The following UBASH3B variants were observed in gnomAD, a reference collection of about 807,000 sequenced individuals.
The protein encoded by UBASH3B is ubiquitin-associated and SH3 domain-containing protein B.
UBASH3B carries 37 observed loss-of-function variants against 83.4 expected under a neutral mutation model. That is an observed-to-expected ratio of 0.44 (90% CI 0.34 to 0.58). The LOEUF is 0.58. UBASH3B is among the 20% of genes least tolerant of loss of function. UBASH3B has a pLI of 0.01. For synonymous variants in UBASH3B, 304 were observed against 318.3 expected, an observed-to-expected ratio of 0.96 and a Z score of 0.48; for missense variants, 657 against 827.2, an observed-to-expected ratio of 0.79 and a Z score of 2.52.
intron 1 of UBASH3B, among the ~76,000 whole-genome samples, chr11:122,659,494 C>A (rs188715343): frequency 6.6e-6 from 1 of 152,244 alleles, no homozygotes; most frequent in East Asian, 1.9e-4. Context: ...ATGTGGTCGG[C>A]CTTCCCCCCA....
intron 1 of UBASH3B, among the ~76,000 whole-genome samples, chr11:122,741,544 G>A (rs1591794279): frequency 1.3e-5 from 2 of 152,158 alleles, no homozygotes; most frequent in East Asian, 1.9e-4. Flanking sequence ...CCACTCCAGA[G>A]GAACTGCGTG....
At chr11:122,753,473 T>C (rs1205190962) in intron 1 of UBASH3B, among the ~76,000 whole-genome samples, 3 of 148,042 alleles carry the variant, frequency 2.0e-5, no homozygotes, top group Non-Finnish European at 3.0e-5. Context: ...GAAAAATCCC[T>C]GAGTTTCTTT....
At chr11:122,764,883 A>T (rs1860505951) in intron 1 of UBASH3B, among the ~76,000 whole-genome samples, 1 of 152,206 alleles carries the variant, frequency 6.6e-6, no homozygotes, top group Non-Finnish European at 1.5e-5. Flanking sequence ...GCCTAAGCCA[A>T]CAGAAGAGAA....
intron 8 of UBASH3B, 73 bp downstream of exon 8, chr11:122,796,349 T>C: frequency 3.8e-6 from 6 of 1,574,388 alleles, no homozygotes; most frequent in Non-Finnish European, 5.2e-6. Context: ...CAAGCTACAG[T>C]TATCTAGATG....
intron 1 of UBASH3B, among the ~76,000 whole-genome samples, chr11:122,751,608 G>A (rs1861200578): frequency 1.3e-5 from 2 of 152,224 alleles, no homozygotes; most frequent in South Asian, 4.1e-4. Flanking sequence ...CCTCACACAG[G>A]CAATGCTGCC....
chr11:122,793,129 C>A (rs1180855187), intron 6 of UBASH3B, among the ~76,000 whole-genome samples: 1 of 152,090 alleles, frequency 6.6e-6, no homozygotes, highest in African/African-American at 2.4e-5. Flanking sequence ...TCCTGTAATC[C>A]CAGCATGACT....
chr11:122,802,549 A>G (rs1861277180), intron 11 of UBASH3B, among the ~76,000 whole-genome samples: 2 of 152,122 alleles, frequency 1.3e-5, no homozygotes, highest in Non-Finnish European at 2.9e-5. Flanking sequence ...CCCAAACCAC[A>G]TTAAAGCAAT....
chr11:122,801,592 G>A (rs1302671495), intron 11 of UBASH3B, among the ~76,000 whole-genome samples: 3 of 152,206 alleles, frequency 2.0e-5, no homozygotes, highest in African/African-American at 7.2e-5. Flanking sequence ...CTGTTTCAGT[G>A]TAATAAAACC....
intron 1 of UBASH3B, among the ~76,000 whole-genome samples, chr11:122,767,306 T>TTTTTGTTTTGTTATG (rs1860561833): frequency 6.7e-6 from 1 of 149,930 alleles, no homozygotes; most frequent in Non-Finnish European, 1.5e-5. Context: ...TAAAGGTTTC[T>TTTTTGTTTTGTTATG]TTTTGTTTTG....
chr11:122,718,578 A>G (rs1334593631), intron 1 of UBASH3B, among the ~76,000 whole-genome samples: 1 of 152,242 alleles, frequency 6.6e-6, no homozygotes, highest in Non-Finnish European at 1.5e-5. Context: ...ATTAAGTATG[A>G]TGACATATGT....
At chr11:122,778,283 A>T (rs1325727393) in intron 3 of UBASH3B, among the ~76,000 whole-genome samples, 1 of 152,176 alleles carries the variant, frequency 6.6e-6, no homozygotes, top group African/African-American at 2.4e-5. Context: ...CTGAAAATTA[A>T]AGTGACTGTC....
intron 11 of UBASH3B, among the ~76,000 whole-genome samples, chr11:122,804,069 G>A (rs942548698): frequency 2.0e-5 from 3 of 152,196 alleles, no homozygotes; most frequent in Admixed American, 6.5e-5. Flanking sequence ...CATGTATCCC[G>A]CTCTTCACCT....
chr11:122,789,750 C>T (rs370109701), intron 6 of UBASH3B, among the ~76,000 whole-genome samples: 1 of 152,128 alleles, frequency 6.6e-6, no homozygotes, highest in Non-Finnish European at 1.5e-5. Context: ...CTAACTGTAT[C>T]CTTGATTTGC....
At chr11:122,667,346 C>T (rs1312634868) in intron 1 of UBASH3B, among the ~76,000 whole-genome samples, 2 of 152,128 alleles carry the variant, frequency 1.3e-5, no homozygotes, top group Non-Finnish European at 2.9e-5. Flanking sequence ...GCGCCCAGTC[C>T]ATTCTTTCTC....
At chr11:122,718,529 T>C (rs964124661) in intron 1 of UBASH3B, among the ~76,000 whole-genome samples, 14 of 152,204 alleles carry the variant, frequency 9.2e-5, no homozygotes, top group Non-Finnish European at 2.1e-4. Flanking sequence ...TCAAATGGGA[T>C]ATTTAGGGGG....
chr11:122,661,906 C>CTT (rs34060053), intron 1 of UBASH3B, among the ~76,000 whole-genome samples: 43 of 113,204 alleles, frequency 3.8e-4, no homozygotes, highest in Admixed American at 1.1e-3. Flanking sequence ...TGCTTTTTTT[C>CTT]TTTTTTTTTT....
chr11:122,672,193 C>A lies in UBASH3B; in HGVS notation c.161+15983C>A, dbSNP rs372446012. Among the ~76,000 whole-genome samples the A allele has an allele frequency of 6.6e-5, 10 of 151,976 alleles. No homozygotes were observed. The East Asian group carries it at 1.6e-3, about 24-fold the overall frequency. On this transcript the variant is annotated intron_variant, in intron 1 of 13. Transcript: ENST00000284273. Reference sequence around the variant, plus strand: ...GAATAAGACCCTGACCACAAGGAGCCCTCAACCTCTTGAAGAAGACAGACC... The same window carrying A: ...GAATAAGACCCTGACCACAAGGAGCACTCAACCTCTTGAAGAAGACAGACC...
Position 122,810,089 on chromosome 11 carries a change from G to A in UBASH3B, c.*203G>A, listed in dbSNP as rs549008321. On this transcript the variant is annotated 3_prime_UTR_variant, in exon 14 of 14. Transcript: ENST00000284273. ...AGAGGAAAAAAATGTGTTCTCTCTG[G>A]ACTCTTGCCTAGCTCACAAGGCTTT... 1 of 576,056 alleles carries A rather than the reference G, an allele frequency of 1.7e-6. No individual in the cohort carries two copies. The highest frequency in any genetic ancestry group is 2.6e-5 in the South Asian group (1 of 39,174). The allele number at this position is 576,056 out of a possible 1,614,324, so 35.7% of individuals were successfully genotyped here.
At chr11:122,783,491 G>T (rs1414412539) in intron 5 of UBASH3B, among the ~76,000 whole-genome samples, 1 of 151,892 alleles carries the variant, frequency 6.6e-6, no homozygotes, top group Non-Finnish European at 1.5e-5. Flanking sequence ...CAGCAAAAAA[G>T]AAATGAAATG....
Sources: allele counts gnomAD v4.1 joint callset (sites outside exome capture counted in the v4.1 genomes callset), GRCh38; gene constraint gnomAD v4.1.1; transcripts MANE v1.5; gene names NCBI Gene and HGNC (gene_info 2026-07-23, HGNC 2026-07-21).